CNTNAP5: variants seen among roughly 807,000 people sequenced by gnomAD.
CNTNAP5 encodes contactin-associated protein-like 5.
A neutral mutation model predicts 150.2 loss-of-function variants in CNTNAP5; 72 were observed. The ratio of observed to expected loss-of-function variants is 0.48; its 90% CI spans 0.40 to 0.58. The LOEUF is 0.58. Ranked by LOEUF, CNTNAP5 falls within the 20% of genes least tolerant of loss-of-function variation. The pLI, the probability that CNTNAP5 is intolerant of heterozygous loss-of-function variation, is 0.00. For synonymous variants in CNTNAP5, 672 were observed against 619.8 expected (o/e 1.08, Z -1.25); for missense variants, 1,636 against 1,626.2 (o/e 1.01, Z -0.10).
At chr2:124,103,798 T>C (rs1683113647) in intron 1 of CNTNAP5, among the ~76,000 whole-genome samples, 1 of 148,890 alleles carries the variant, frequency 6.7e-6, no homozygotes, top group Admixed American at 6.8e-5. Context: ...TATTAAGTTA[T>C]ATTATATATA....
Position 124,115,792 on chromosome 2 carries a change from T to TTGTGTGTGTGTGTGTGTG in CNTNAP5, c.82+90078_82+90095dup, listed in dbSNP as rs5834038. On this transcript the variant is annotated intron_variant, in intron 1 of 23. Transcript: ENST00000682447. Reference sequence around the variant, plus strand: ...GGCAGATGCCACCACGCCTGGCTAATTGTGTGTGTGTGTGTGTGTGTGTGT... The same window carrying TTGTGTGTGTGTGTGTGTG: ...GGCAGATGCCACCACGCCTGGCTAATTGTGTGTGTGTGTGTGTGTGTGTGTGTGTGTGTGTGTGTGTGT... 3.4e-3 allele frequency among the ~76,000 whole-genome samples: 473 copies of TTGTGTGTGTGTGTGTGTG among 138,290 alleles called. 2 individuals are homozygous for TTGTGTGTGTGTGTGTGTG. Among genetic ancestry groups the TTGTGTGTGTGTGTGTGTG allele is most frequent in the Middle Eastern group, 7.6e-3 (2 of 264 alleles). The allele number at this position is 138,290 out of a possible 152,430, so 90.7% of individuals were successfully genotyped here.
intron 1 of CNTNAP5, among the ~76,000 whole-genome samples, chr2:124,119,359 A>T (rs1683504998): frequency 1.3e-5 from 1 of 79,070 alleles, no homozygotes. Flanking sequence ...TAAGAGCAGG[A>T]AGCTTTTTTT....
chr2:124,570,290 C>T (rs1051677398), intron 11 of CNTNAP5, among the ~76,000 whole-genome samples: 4 of 152,112 alleles, frequency 2.6e-5, no homozygotes, highest in Admixed American at 6.5e-5. Flanking sequence ...AAATAATTGA[C>T]CTTTTAGCAG....
At chr2:124,297,809 AT>A (rs376323846) in intron 3 of CNTNAP5, among the ~76,000 whole-genome samples, 3 of 95,212 alleles carry the variant, frequency 3.2e-5, no homozygotes, top group East Asian at 2.7e-4. Context: ...ACATCCAATT[AT>A]TTATTATTAT....
intron 1 of CNTNAP5, among the ~76,000 whole-genome samples, chr2:124,209,967 T>C (rs1046670619): frequency 2.0e-5 from 3 of 152,220 alleles, no homozygotes; most frequent in East Asian, 1.9e-4. Flanking sequence ...AGCCAATAAA[T>C]TGGCAAATCC....
chr2:124,497,682 T>C (rs954027589), intron 7 of CNTNAP5, among the ~76,000 whole-genome samples: 6 of 152,212 alleles, frequency 3.9e-5, no homozygotes, highest in Admixed American at 2.0e-4. Flanking sequence ...CTATGCCACG[T>C]GCTGAGACCT....
intron 16 of CNTNAP5, among the ~76,000 whole-genome samples, chr2:124,768,374 A>G (rs533922049): frequency 6.6e-6 from 1 of 152,016 alleles, no homozygotes; most frequent in African/African-American, 2.4e-5. Flanking sequence ...AGAAAGATTT[A>G]ACTTTATGAT....
intron 3 of CNTNAP5, among the ~76,000 whole-genome samples, chr2:124,394,433 A>G (rs1322971349): frequency 3.3e-5 from 5 of 152,058 alleles, no homozygotes; most frequent in African/African-American, 9.7e-5. Flanking sequence ...GTGAATGCAG[A>G]GCATGAAAAG....
At chr2:124,281,763 G>T (rs1053064010) in intron 3 of CNTNAP5, among the ~76,000 whole-genome samples, 5 of 152,112 alleles carry the variant, frequency 3.3e-5, no homozygotes, top group Non-Finnish European at 7.3e-5. Flanking sequence ...GGTTGTTGCT[G>T]ACCGACTACG....
intron 7 of CNTNAP5, among the ~76,000 whole-genome samples, chr2:124,481,320 A>G (rs1693758615): frequency 6.6e-6 from 1 of 152,250 alleles, no homozygotes; most frequent in Non-Finnish European, 1.5e-5. Flanking sequence ...AATTTCAGGA[A>G]GGGGAGGATA....
chr2:124,681,508 G>A (rs1241969726), intron 13 of CNTNAP5, among the ~76,000 whole-genome samples: 2 of 151,958 alleles, frequency 1.3e-5, no homozygotes, highest in East Asian at 3.9e-4. Flanking sequence ...TGTTTTCCTG[G>A]GAGTTTGCAG....
At chr2:124,549,254 G>A (rs1427830483) in intron 10 of CNTNAP5, among the ~76,000 whole-genome samples, 1 of 152,154 alleles carries the variant, frequency 6.6e-6, no homozygotes, top group Non-Finnish European at 1.5e-5. Flanking sequence ...CGCCAAGCTT[G>A]GACAGTGGTA....
At chr2:124,064,325 T>C (rs779748719) in intron 1 of CNTNAP5, among the ~76,000 whole-genome samples, 11 of 152,174 alleles carry the variant, frequency 7.2e-5, no homozygotes, top group Non-Finnish European at 1.5e-4. Flanking sequence ...AGGGTTCCCA[T>C]AGTTTGTTTT....
At chr2:124,885,333 T>A (rs1678055684) in intron 21 of CNTNAP5, among the ~76,000 whole-genome samples, 1 of 152,032 alleles carries the variant, frequency 6.6e-6, no homozygotes, top group African/African-American at 2.4e-5. Flanking sequence ...AACATACCTT[T>A]ACAGCAGTAC....
intron 3 of CNTNAP5, among the ~76,000 whole-genome samples, chr2:124,358,981 C>A (rs1201308836): frequency 6.7e-6 from 1 of 149,762 alleles, no homozygotes; most frequent in South Asian, 2.1e-4. Flanking sequence ...ACAATTTCAG[C>A]TCCTGTTATT....
chr2:124,456,848 A>G (rs759995354), intron 6 of CNTNAP5, among the ~76,000 whole-genome samples: 6 of 152,202 alleles, frequency 3.9e-5, no homozygotes, highest in Non-Finnish European at 5.9e-5. Context: ...GGTGCTGGAT[A>G]TTTGGCAAGC....
At position 124,239,145 on chromosome 2, in the gene CNTNAP5, CT is replaced by C. The variant is rs371122910; in HGVS notation, c.188-3052del. ...GTGGGAAAAAGGGAGCTATGATTTT[CT>C]TTAGACAAATTTGCAGAAACTTTAA... On this transcript the variant is annotated intron_variant, in intron 2 of 23. Coordinates refer to ENST00000682447, the MANE Select transcript of CNTNAP5 (RefSeq NM_001367498.1). 3.2e-3 allele frequency among the ~76,000 whole-genome samples: 482 copies of C among 152,216 alleles called. 3 individuals carry two copies. Among genetic ancestry groups the C allele is most frequent in the African/African-American group, 0.011 (458 of 41,554 alleles).
At chr2:124,657,780 C>T (rs1013388151) in intron 13 of CNTNAP5, among the ~76,000 whole-genome samples, 4 of 152,308 alleles carry the variant, frequency 2.6e-5, no homozygotes, top group Admixed American at 2.6e-4. Flanking sequence ...GCTTGCCCCA[C>T]CTCTCAGACC....
rs543706183 is a variant in CNTNAP5 at position 124,084,712 on chromosome 2, C to T, written c.82+58980C>T. Among the ~76,000 whole-genome samples the T allele has an allele frequency of 6.7e-4, 101 of 151,792 alleles. 2 individuals carry two copies. The South Asian group carries it at 0.021, about 31-fold the overall frequency. On this transcript the variant is annotated intron_variant, in intron 1 of 23. Transcript: ENST00000682447. The stretch of plus-strand genomic sequence containing the variant: ...TAATGAAGGTATATGTATATATATT[C>T]ATTAAATACAAAAAAATACATTCAT...
Sources: allele counts gnomAD v4.1 joint callset (sites outside exome capture counted in the v4.1 genomes callset), GRCh38; gene constraint gnomAD v4.1.1; transcripts MANE v1.5; gene names NCBI Gene and HGNC (gene_info 2026-07-23, HGNC 2026-07-21).